Variants in GPCPD1 observed in about 807,000 individuals in gnomAD.
GPCPD1 encodes glycerophosphocholine phosphodiesterase GPCPD1.
In GPCPD1, 29 loss-of-function variants were observed where a neutral mutation model predicts 89.2. The ratio of observed to expected loss-of-function variants is 0.33; its 90% confidence interval spans 0.24 to 0.44. GPCPD1 has a LOEUF of 0.44. Among genes scored for constraint, GPCPD1 ranks in the 20% least tolerant of loss-of-function variants. The pLI is 1.00. For missense variants in GPCPD1, 594 were observed against 808.9 expected (o/e 0.73, Z 3.22); for synonymous variants, 258 against 266.3 (o/e 0.97, Z 0.30).
At chr20:5,571,855 A>G (rs6053505) in intron 11 of GPCPD1, among the ~76,000 whole-genome samples, 37,352 of 151,612 alleles carry the variant, frequency 0.25, 5,061 homozygotes, top group East Asian at 0.43. Flanking sequence ...GTTGCAGTGA[A>G]CCAAGATCAT....
chr20:5,562,532 T>C (rs1986144508), intron 15 of GPCPD1, among the ~76,000 whole-genome samples: 1 of 152,230 alleles, frequency 6.6e-6, no homozygotes, highest in Non-Finnish European at 1.5e-5. Context: ...TCCACCTGCC[T>C]TGGCCTCCAG....
chr20:5,596,925 T>C (rs1266705115), intron 3 of GPCPD1, among the ~76,000 whole-genome samples: 1 of 152,234 alleles, frequency 6.6e-6, no homozygotes, highest in Non-Finnish European at 1.5e-5. Context: ...ACTGGTCCTC[T>C]TAAAATTGTT....
chr20:5,553,810 C>T (rs1211915020), intron 19 of GPCPD1, among the ~76,000 whole-genome samples: 1 of 152,140 alleles, frequency 6.6e-6, no homozygotes, highest in Admixed American at 6.5e-5. Context: ...AGTTGGAACC[C>T]AACAGAAGTT....
chr20:5,565,688 T>G (rs1381321531), intron 14 of GPCPD1, among the ~76,000 whole-genome samples: 1 of 145,656 alleles, frequency 6.9e-6, no homozygotes, highest in East Asian at 2.0e-4. Context: ...AAAGTACTAC[T>G]CTTTAAAAAG....
chr20:5,548,888 A>G, intron 19 of GPCPD1: 1 of 1,038,644 alleles, frequency 9.6e-7, no homozygotes, highest in Non-Finnish European at 1.3e-6. Context: ...TGTGAAGAGG[A>G]GAAAACAGAA....
At chr20:5,564,340 A>C (rs11087684) in intron 15 of GPCPD1, among the ~76,000 whole-genome samples, 21,984 of 150,530 alleles carry the variant, frequency 0.15, 1,771 homozygotes, top group Middle Eastern at 0.2. Context: ...AAAAAAAAAA[A>C]CCAAAAACTG....
chr20:5,589,823 T>C (rs533007259), intron 4 of GPCPD1, among the ~76,000 whole-genome samples: 1 of 152,318 alleles, frequency 6.6e-6, no homozygotes, highest in South Asian at 2.1e-4. Flanking sequence ...TTTTAAGCTT[T>C]TTGGAGTAAC....
chr20:5,601,147 C>T (rs1038513325), intron 2 of GPCPD1, among the ~76,000 whole-genome samples: 6 of 151,888 alleles, frequency 4.0e-5, no homozygotes, highest in East Asian at 3.9e-4. Flanking sequence ...TGCATCACTG[C>T]GCTCCAGCCT....
chr20:5,584,506 A>G, intron 5 of GPCPD1, 184 bp from the exon 6 acceptor site: 1 of 431,708 alleles, frequency 2.3e-6, no homozygotes, highest in South Asian at 3.2e-5. Flanking sequence ...GGAGGCTAGC[A>G]AACAGTAATG....
chr20:5,584,444 C>T, intron 5 of GPCPD1, 122 bp from the exon 6 acceptor site: 1 of 528,156 alleles, frequency 1.9e-6, no homozygotes, highest in South Asian at 2.6e-5. Context: ...AAAAGCAGCC[C>T]AAGGTGAATA....
intron 19 of GPCPD1, among the ~76,000 whole-genome samples, chr20:5,550,489 C>T (rs181660101): frequency 1.6e-4 from 25 of 152,176 alleles, no homozygotes; most frequent in Admixed American, 1.4e-3. Flanking sequence ...AAGTGTCCAG[C>T]AAAGTGGGCA....
chr20:5,573,977 GAAGA>G lies in GPCPD1; in HGVS notation c.1002-12_1002-9del. ...TCTTGAACTTTAGCCAGCCTGAAAA[GAAGA>G]AATACAGTTAACATAGACTATAGAG... On this transcript the variant is annotated splice_polypyrimidine_tract_variant and intron_variant, in intron 10 of 19. Transcript: ENST00000379019. 2 of 1,370,610 alleles carry G rather than the reference GAAGA, an allele frequency of 1.5e-6. No homozygotes were observed. The highest frequency in any genetic ancestry group is 2.3e-5 in the East Asian group (1 of 43,830). The allele number at this position is 1,370,610 out of a possible 1,614,324, so 84.9% of individuals were successfully genotyped here. A position where few individuals can be genotyped will look rare whatever the true frequency, so the allele number is the denominator to read the frequency against.
chr20:5,588,899 C>T (rs190137024), intron 4 of GPCPD1, among the ~76,000 whole-genome samples: 15 of 151,970 alleles, frequency 9.9e-5, no homozygotes, highest in African/African-American at 3.4e-4. Context: ...AAAGAGGTAA[C>T]GGCATAGCAG....
intron 19 of GPCPD1, 55 bp downstream of exon 19, chr20:5,557,889 TA>T: frequency 1.1e-6 from 1 of 931,252 alleles, no homozygotes. Flanking sequence ...TATAATTTCG[TA>T]AGATGAAATC....
At chr20:5,592,622 C>T (rs996470488) in intron 4 of GPCPD1, among the ~76,000 whole-genome samples, 3 of 152,146 alleles carry the variant, frequency 2.0e-5, no homozygotes, top group Non-Finnish European at 4.4e-5. Context: ...GTATCCTAGA[C>T]CCCTGCCTAA....
In GPCPD1 at chr20:5,591,698, T is replaced by C. The variant is rs749497787; in HGVS notation, c.231+1629A>G. Among the ~76,000 whole-genome samples the C allele has an allele frequency of 1.3e-5, 2 of 152,232 alleles. 1 individual carries two copies. The highest frequency in any genetic ancestry group is 1.3e-4 in the Admixed American group (2 of 15,278). On this transcript the variant is annotated intron_variant, in intron 4 of 19. Coordinates refer to ENST00000379019, the MANE Select transcript of GPCPD1 (RefSeq NM_019593.5). ...ACTAGACAAAGTTTCATAATACTTC[T>C]ATTAAAAATGTTTTATTTAAAAAGC...
intron 11 of GPCPD1, among the ~76,000 whole-genome samples, chr20:5,572,346 T>A (rs1206738047): frequency 6.6e-6 from 1 of 152,200 alleles, no homozygotes; most frequent in East Asian, 1.9e-4. Flanking sequence ...TACTAACATT[T>A]TAAACATTAA....
chr20:5,608,424 C>G (rs1980738655), intron 1 of GPCPD1, among the ~76,000 whole-genome samples: 1 of 152,032 alleles, frequency 6.6e-6, no homozygotes. Context: ...TGATACCATA[C>G]CAAATAAAAG....
intron 6 of GPCPD1, among the ~76,000 whole-genome samples, chr20:5,582,431 T>C (rs1978602403): frequency 6.6e-6 from 1 of 152,112 alleles, no homozygotes. Context: ...CATAAACATA[T>C]ATACCTAATA....
Sources: gnomAD v4.1 joint callset for allele counts (sites outside exome capture counted in the v4.1 genomes callset) on GRCh38, gnomAD v4.1.1 for gene constraint, MANE v1.5 for transcripts, NCBI Gene and HGNC (gene_info 2026-07-23, HGNC 2026-07-21) for gene names.